PRKAA1: variants seen among roughly 807,000 people sequenced by gnomAD.
PRKAA1 encodes 5'-AMP-activated protein kinase catalytic subunit alpha-1.
A neutral mutation model predicts 56.9 loss-of-function variants in PRKAA1; 23 were observed. That is an observed-to-expected ratio of 0.40 (90% CI 0.29 to 0.57). The LOEUF (loss-of-function observed/expected upper bound fraction) is 0.57, where lower values mean the gene tolerates loss of function less well. Ranked by LOEUF, PRKAA1 falls within the 20% of genes least tolerant of loss-of-function variation. The probability of loss-of-function intolerance (pLI) is 0.39; values close to 1 mark genes in which losing one functional copy is unlikely to be tolerated. For synonymous variants in PRKAA1, 226 were observed against 227.0 expected (o/e 1.00, Z 0.04); for missense variants, 413 against 679.7 (o/e 0.61, Z 4.36).
Position 40,798,048 on chromosome 5 carries a change from C to T in PRKAA1, c.127+15G>A, listed in dbSNP as rs2112121715. ...TCCTCAGCTGGGGCCAAGCCTAGTC[C>T]CGCGGGGTTCTCACCCTTCACTTTG... On this transcript the variant is annotated intron_variant, in intron 1 of 8. Coordinates refer to ENST00000397128, the MANE Select transcript of PRKAA1 (RefSeq NM_006251.6). The T allele has an allele frequency of 6.2e-7, 1 of 1,607,052 alleles. No homozygotes were observed. Among genetic ancestry groups the T allele is most frequent in the Non-Finnish European group, 8.5e-7 (1 of 1,176,018 alleles).
In PRKAA1 at chr5:40,764,808, T is replaced by C; in HGVS notation, c.1252A>G (p.Asn418Asp). The C allele has an allele frequency of 1.2e-6, 2 of 1,613,978 alleles. No individual in the cohort carries two copies. The highest frequency in any genetic ancestry group is 1.7e-6 in the Non-Finnish European group (2 of 1,179,840). ...CTACATACTTCTGCCATAATATCAT[T>C]TGGTCGACTTTGACTTCTAATTCCT... ...HLGIRSQSRP[N>D]DIMAEVCRAI... Residue 418 changes from asparagine to aspartate, a missense_variant, in exon 7 of 9, where the codon AAT becomes GAT. Around this residue, in one of 9 missense-constraint regions of PRKAA1, gnomAD observed 139 missense variants for 171.5 expected, o/e 0.81. Transcript: ENST00000397128.
At chr5:40,775,319 A>C (rs1030359367) in intron 3 of PRKAA1, 91 bp downstream of exon 3, 1 of 922,096 alleles carries the variant, frequency 1.1e-6, no homozygotes, top group Non-Finnish European at 1.8e-6. Flanking sequence ...TATTAAATAG[A>C]CCTCTTAAAA....
chr5:40,768,804 G>T, intron 5 of PRKAA1: 1 of 1,464,604 alleles, frequency 6.8e-7, no homozygotes, highest in South Asian at 1.4e-5. Flanking sequence ...GAAGGACAAA[G>T]AGTTATTCTT....
At chr5:40,773,291 G>C (rs945402169) in intron 3 of PRKAA1, among the ~76,000 whole-genome samples, 1 of 152,032 alleles carries the variant, frequency 6.6e-6, no homozygotes, top group Non-Finnish European at 1.5e-5. Context: ...AAAAAAAAGA[G>C]TATCTGTTCA....
intron 1 of PRKAA1, among the ~76,000 whole-genome samples, chr5:40,785,837 C>CAGAGAGAGAGAGAG (rs70988809): frequency 4.0e-4 from 21 of 52,438 alleles, no homozygotes; most frequent in African/African-American, 1.0e-3. Flanking sequence ...CACACACACA[C>CAGAGAGAGAGAGAG]ACAGAGAGAG....
Position 40,798,290 on chromosome 5 carries a change from C to A in PRKAA1, c.-101G>T, listed in dbSNP as rs1011511341. On this transcript the variant is annotated 5_prime_UTR_variant, in exon 1 of 9. Coordinates refer to ENST00000397128, the MANE Select transcript of PRKAA1 (RefSeq NM_006251.6). ...GGGCAGCCACCGAGCCGAGTCACCG[C>A]CCTGCGCCGCCAGCCCAGGCCCCGC... 10 of 667,834 alleles carry A rather than the reference C, an allele frequency of 1.5e-5. No homozygotes were observed. The African/African-American group carries it at 1.9e-4, about 13-fold the overall frequency. 41.4% of individuals were successfully genotyped at this position (667,834 alleles called of 1,614,324 possible).
chr5:40,792,264 C>A (rs1744746536), intron 1 of PRKAA1, among the ~76,000 whole-genome samples: 1 of 152,196 alleles, frequency 6.6e-6, no homozygotes, highest in Non-Finnish European at 1.5e-5. Context: ...GGAAATTGTT[C>A]TCTAAAATAT....
At chr5:40,787,033 G>C (rs1041475657) in intron 1 of PRKAA1, among the ~76,000 whole-genome samples, 1 of 151,734 alleles carries the variant, frequency 6.6e-6, no homozygotes, top group African/African-American at 2.4e-5. Flanking sequence ...ACTAATGAGT[G>C]ACAGGAAAAC....
At position 40,764,841 on chromosome 5, in the gene PRKAA1, AT is replaced by A. The variant is rs751734626; in HGVS notation, c.1218del (p.Lys406AsnfsTer4). 1 of 1,614,008 alleles carries A rather than the reference AT, an allele frequency of 6.2e-7. No individual in the cohort carries two copies. Among genetic ancestry groups the A allele is most frequent in the South Asian group, 1.1e-5 (1 of 91,072 alleles). On this transcript the variant is annotated frameshift_variant, in exon 7 of 9. Coordinates refer to ENST00000397128, the MANE Select transcript of PRKAA1 (RefSeq NM_006251.6). LOFTEE classifies it high-confidence loss of function. ...KSKHQGVRKA[K>X]WHLGIRSQSR... The stretch of plus-strand genomic sequence containing the variant: ...CTTTGACTTCTAATTCCTAAATGCC[AT>A]TTTGCTTTCCTTACACCTTGGTGTT...
At position 40,761,903 on chromosome 5, in the gene PRKAA1, G is replaced by A. The variant is rs1409701978; in HGVS notation, c.*875C>T. 6.6e-6 allele frequency: 1 copy of A among 152,116 alleles called. No individual in the cohort carries two copies. The highest frequency in any genetic ancestry group is 2.4e-5 in the African/African-American group (1 of 41,394). 9.4% of individuals were successfully genotyped at this position (152,116 alleles called of 1,614,324 possible). ...TGAATATATAAATTCTGTGTTTTTG[G>A]ACTTGTAAAGCTAAAATGAAATTTA... On this transcript the variant is annotated 3_prime_UTR_variant, in exon 9 of 9. Coordinates refer to ENST00000397128, the MANE Select transcript of PRKAA1 (RefSeq NM_006251.6).
At chr5:40,766,974 C>T (rs2111989967) in intron 6 of PRKAA1, among the ~76,000 whole-genome samples, 1 of 152,170 alleles carries the variant, frequency 6.6e-6, no homozygotes, top group East Asian at 1.9e-4. Context: ...GCTATGATCA[C>T]ACCACTGCAC....
intron 1 of PRKAA1, among the ~76,000 whole-genome samples, chr5:40,792,402 G>A (rs141494126): frequency 2.5e-3 from 375 of 152,188 alleles, no homozygotes; most frequent in African/African-American, 8.5e-3. Flanking sequence ...ATATGGCAGC[G>A]AATAACCCAT....
chr5:40,775,150 A>G (rs1743935848), intron 3 of PRKAA1, among the ~76,000 whole-genome samples: 2 of 152,228 alleles, frequency 1.3e-5, no homozygotes, highest in African/African-American at 2.4e-5. Context: ...GCTCAAGCCA[A>G]TTCCGTCATT....
At chr5:40,791,255 T>A in intron 1 of PRKAA1, among the ~76,000 whole-genome samples, 1 of 152,238 alleles carries the variant, frequency 6.6e-6, no homozygotes, top group Admixed American at 6.5e-5. Context: ...CCCCCCTTTT[T>A]CAAAATTCAA....
At chr5:40,792,528 C>T (rs1744758504) in intron 1 of PRKAA1, among the ~76,000 whole-genome samples, 1 of 152,092 alleles carries the variant, frequency 6.6e-6, no homozygotes, top group Non-Finnish European at 1.5e-5. Flanking sequence ...TATACTCTAC[C>T]AGCATTGTAT....
chr5:40,781,767 G>C (rs1464460527), intron 1 of PRKAA1, among the ~76,000 whole-genome samples: 1 of 152,102 alleles, frequency 6.6e-6, no homozygotes, highest in Non-Finnish European at 1.5e-5. Flanking sequence ...TTTATTAAAA[G>C]TACGATATAA....
At position 40,778,752 on chromosome 5, in the gene PRKAA1, G is replaced by A. The variant is rs189437056; in HGVS notation, c.128-1166C>T. On this transcript the variant is annotated intron_variant, in intron 1 of 8. Transcript: ENST00000397128. The stretch of plus-strand genomic sequence containing the variant: ...TTTCTAGTTTTTTTGGTTTCTCTGT[G>A]TTTTAAATTTTTTTTCCTGTTTTTT... 5.1e-4 allele frequency among the ~76,000 whole-genome samples: 53 copies of A among 104,876 alleles called. No homozygotes were observed. The East Asian group carries it at 0.01, about 21-fold the overall frequency. 68.8% of individuals were successfully genotyped at this position (104,876 alleles called of 152,430 possible). A position where few individuals can be genotyped will look rare whatever the true frequency, so the allele number is the denominator to read the frequency against.
chr5:40,771,545 G>A (rs1253168511), intron 4 of PRKAA1, among the ~76,000 whole-genome samples, 174 bp downstream of exon 4: 1 of 152,066 alleles, frequency 6.6e-6, no homozygotes, highest in Non-Finnish European at 1.5e-5. Flanking sequence ...AAGAAAAGAT[G>A]ATTTCTTAGC....
chr5:40,773,220 G>C (rs1487144000), intron 3 of PRKAA1, among the ~76,000 whole-genome samples: 1 of 151,904 alleles, frequency 6.6e-6, no homozygotes, highest in Non-Finnish European at 1.5e-5. Flanking sequence ...CATTCCTCTA[G>C]AAAAATACTA....
Sources: gnomAD v4.1 joint callset for allele counts (sites outside exome capture counted in the v4.1 genomes callset) on GRCh38, gnomAD v4.1.1 for gene constraint, gnomAD v4.1.1 regional missense constraint, MANE v1.5 for transcripts, NCBI Gene and HGNC (gene_info 2026-07-23, HGNC 2026-07-21) for gene names.